Variants in NFATC2 observed in about 807,000 individuals in gnomAD.
NFATC2 encodes nuclear factor of activated T-cells, cytoplasmic 2.
In NFATC2, 22 loss-of-function variants were observed where a neutral mutation model predicts 87.3. The ratio of observed to expected loss-of-function variants is 0.25; its 90% CI spans 0.18 to 0.36. The LOEUF is 0.36. Among genes scored for constraint, NFATC2 ranks in the 10% least tolerant of loss-of-function variants. NFATC2 has a pLI of 1.00. For missense variants in NFATC2, 1,149 were observed against 1,259.1 expected (o/e 0.91, Z 1.32); for synonymous variants, 565 against 542.2 (o/e 1.04, Z -0.58).
intron 3 of NFATC2, among the ~76,000 whole-genome samples, chr20:51,494,084 T>C (rs1018690747): frequency 2.0e-5 from 3 of 152,046 alleles, no homozygotes; most frequent in African/African-American, 7.2e-5. Flanking sequence ...GCCACCATCG[T>C]CACCCATTTC....
intron 3 of NFATC2, among the ~76,000 whole-genome samples, chr20:51,488,555 T>C (rs1050235706): frequency 2.6e-5 from 4 of 152,180 alleles, no homozygotes; most frequent in African/African-American, 9.7e-5. Flanking sequence ...ATCACTCCTA[T>C]TGAGAAACAT....
chr20:51,474,252 T>C (rs1988509345), intron 4 of NFATC2, 100 bp from the exon 5 acceptor site: 8 of 1,387,674 alleles, frequency 5.8e-6, no homozygotes, highest in Non-Finnish European at 7.9e-6. Flanking sequence ...TGGGGGAAAC[T>C]GCAATACACT....
chr20:51,396,746 G>GAATTCACTCCCA (rs1987208502), intron 10 of NFATC2, among the ~76,000 whole-genome samples: 1 of 152,182 alleles, frequency 6.6e-6, no homozygotes, highest in Non-Finnish European at 1.5e-5. Context: ...GTGCCTTGCT[G>GAATTCACTCCCA]AATTCACTCC....
intron 5 of NFATC2, among the ~76,000 whole-genome samples, chr20:51,459,597 G>T (rs909921585): frequency 2.0e-5 from 3 of 152,138 alleles, no homozygotes; most frequent in Non-Finnish European, 4.4e-5. Flanking sequence ...ATAAAGTTTG[G>T]CTGGGCGCAG....
chr20:51,464,213 G>A (rs1987440313), intron 5 of NFATC2, among the ~76,000 whole-genome samples: 1 of 152,210 alleles, frequency 6.6e-6, no homozygotes, highest in African/African-American at 2.4e-5. Context: ...GCAAGACAAT[G>A]AGATCCGTCC....
At chr20:51,444,314 G>T (rs1414409826) in intron 6 of NFATC2, among the ~76,000 whole-genome samples, 2 of 151,744 alleles carry the variant, frequency 1.3e-5, no homozygotes, top group African/African-American at 4.8e-5. Context: ...CTTCACTGCA[G>T]AGTCAACTCC....
intron 5 of NFATC2, among the ~76,000 whole-genome samples, chr20:51,471,687 A>G (rs1030704308): frequency 6.6e-6 from 1 of 152,164 alleles, no homozygotes; most frequent in African/African-American, 2.4e-5. Flanking sequence ...ACTTTTCACC[A>G]TGAAGGCTAG....
rs2077019760 is a variant in NFATC2, at chr20:51,561,334, A to AG, written c.70+1225_70+1226insC. On this transcript the variant is annotated intron_variant, in intron 1 of 10. Transcript: ENST00000414705. Reference sequence around the variant, plus strand: ...TGGCTTCAATCTAGTTAAAAAAAAAAAAAAGAAAGAAAGAGAGAGAAAGAA... The same window carrying AG: ...TGGCTTCAATCTAGTTAAAAAAAAAAGAAAAGAAAGAAAGAGAGAGAAAGAA... Among the ~76,000 whole-genome samples the AG allele has an allele frequency of 3.7e-5, 5 of 134,332 alleles. No homozygotes were observed. The South Asian group carries it at 6.7e-4, about 18-fold the overall frequency. 88.1% of individuals were successfully genotyped at this position (134,332 alleles called of 152,430 possible). A position where few individuals can be genotyped will look rare whatever the true frequency, so the allele number is the denominator to read the frequency against.
intron 3 of NFATC2, among the ~76,000 whole-genome samples, chr20:51,487,385 G>A (rs1161773667): frequency 6.6e-6 from 1 of 152,254 alleles, no homozygotes; most frequent in Non-Finnish European, 1.5e-5. Flanking sequence ...ATGCATGCAG[G>A]GCTTAATACC....
intron 9 of NFATC2, among the ~76,000 whole-genome samples, chr20:51,429,187 A>G (rs1982310406): frequency 6.6e-6 from 1 of 152,356 alleles, no homozygotes; most frequent in African/African-American, 2.4e-5. Context: ...AGAATTTGAA[A>G]TTGCAGCAGT....
At chr20:51,413,693 G>A (rs1979620963) in intron 9 of NFATC2, among the ~76,000 whole-genome samples, 1 of 152,150 alleles carries the variant, frequency 6.6e-6, no homozygotes, top group African/African-American at 2.4e-5. Context: ...GGAGTTCAAG[G>A]CTGCAGTGAG....
intron 10 of NFATC2, among the ~76,000 whole-genome samples, chr20:51,396,829 C>G (rs1987222837): frequency 6.6e-6 from 1 of 152,170 alleles, no homozygotes; most frequent in Admixed American, 6.5e-5. Flanking sequence ...GATCTTCTGC[C>G]TTTGGTCCTA....
intron 1 of NFATC2, among the ~76,000 whole-genome samples, chr20:51,540,936 T>C (rs2076807212): frequency 6.6e-6 from 1 of 152,096 alleles, no homozygotes; most frequent in African/African-American, 2.4e-5. Flanking sequence ...TGCGGATCGT[T>C]TGCAGATTCT....
At chr20:51,485,909 T>A (rs2146559534) in intron 3 of NFATC2, among the ~76,000 whole-genome samples, 1 of 152,232 alleles carries the variant, frequency 6.6e-6, no homozygotes, top group East Asian at 1.9e-4. Context: ...GAAGAAATCA[T>A]CTTGAAGGTT....
intron 1 of NFATC2, among the ~76,000 whole-genome samples, chr20:51,557,497 C>G (rs1229226574): frequency 1.3e-5 from 2 of 152,146 alleles, no homozygotes. Context: ...CTGTCATTGT[C>G]ATTTGTGGCT....
At chr20:51,489,010 G>A (rs1407423901) in intron 3 of NFATC2, among the ~76,000 whole-genome samples, 1 of 152,196 alleles carries the variant, frequency 6.6e-6, no homozygotes, top group Non-Finnish European at 1.5e-5. Context: ...CCAACATGGC[G>A]AAACCCCCGT....
intron 3 of NFATC2, among the ~76,000 whole-genome samples, chr20:51,510,103 C>T (rs2076248615): frequency 6.6e-6 from 1 of 152,222 alleles, no homozygotes; most frequent in African/African-American, 2.4e-5. Context: ...ATTTTGATCA[C>T]TCCCTAAAAG....
At position 51,438,690 on chromosome 20, in the gene NFATC2, CGAA is replaced by C. The variant is rs1192326491; in HGVS notation, c.1850-2932_1850-2930del. Among the ~76,000 whole-genome samples the C allele has an allele frequency of 7.9e-5, 12 of 152,228 alleles. No homozygotes were observed. In the South Asian group the frequency reaches 2.3e-3, roughly 29 times the overall value. ...CCTCTCCGGGTCAAGGGACGCAACA[CGAA>C]GAAGGAGACCTTTTCCCACCTCTGG... On this transcript the variant is annotated intron_variant, in intron 6 of 10. Transcript: ENST00000371564.
rs2076520398 is a variant in NFATC2, at chr20:51,524,973, A to T, written c.131-863T>A. On this transcript the variant is annotated intron_variant, in intron 1 of 10. Coordinates refer to ENST00000371564, the MANE Select transcript of NFATC2 (RefSeq NM_012340.5). The surrounding 1 kb of genome is among the most constrained non-coding windows in gnomAD (Gnocchi z 4.0). ...GGTGGCTCACACCTGGAATCCCGGCACTTCGGGAGGCTGAGGCGGGCAGAT... is the reference window on the plus strand; with the variant it reads ...GGTGGCTCACACCTGGAATCCCGGCTCTTCGGGAGGCTGAGGCGGGCAGAT... 6.6e-6 allele frequency among the ~76,000 whole-genome samples: 1 copy of T among 152,108 alleles called. No homozygotes were observed. The highest frequency in any genetic ancestry group is 2.4e-5 in the African/African-American group (1 of 41,426).
Sources: gnomAD v4.1 joint callset for allele counts (sites outside exome capture counted in the v4.1 genomes callset) on GRCh38, gnomAD v4.1.1 for gene constraint, Gnocchi (gnomAD v3.1) non-coding constraint, MANE v1.5 for transcripts, NCBI Gene and HGNC (gene_info 2026-07-23, HGNC 2026-07-21) for gene names.